Variants in EPS15 observed in about 807,000 individuals in gnomAD.
The protein encoded by EPS15 is epidermal growth factor receptor pathway substrate 15, also known as epidermal growth factor receptor substrate 15.
In EPS15, 72 loss-of-function variants were observed where a neutral mutation model predicts 113.8. The ratio of observed to expected loss-of-function variants is 0.63; its 90% CI spans 0.52 to 0.77. The LOEUF (loss-of-function observed/expected upper bound fraction) is 0.77, where lower values mean the gene tolerates loss of function less well. Among genes scored for constraint, EPS15 ranks in the 30% least tolerant of loss-of-function variants. EPS15 has a pLI of 0.00. For missense variants in EPS15, 1,048 were observed against 1,045.8 expected (o/e 1.00, Z -0.03); for synonymous variants, 344 against 363.4 (o/e 0.95, Z 0.61).
At chr1:51,497,402 G>C (rs1644342370) in intron 1 of EPS15, among the ~76,000 whole-genome samples, 1 of 152,108 alleles carries the variant, frequency 6.6e-6, no homozygotes, top group Non-Finnish European at 1.5e-5. Flanking sequence ...CTTGTCCAAA[G>C]TCACAAAAAA....
chr1:51,447,808 G>A, intron 9 of EPS15: 1 of 174,264 alleles, frequency 5.7e-6, no homozygotes, highest in Non-Finnish European at 1.1e-5. Context: ...ATCACATTAT[G>A]CAGGTTCAAC....
At position 51,356,275 on chromosome 1, in the gene EPS15, ACC is replaced by A; in HGVS notation, c.*423_*424del. The A allele has an allele frequency of 4.4e-6, 1 of 225,428 alleles. No homozygotes were observed. Among genetic ancestry groups the A allele is most frequent in the Non-Finnish European group, 8.8e-6 (1 of 113,310 alleles). 14.0% of individuals were successfully genotyped at this position (225,428 alleles called of 1,614,324 possible). A position where few individuals can be genotyped will look rare whatever the true frequency, so the allele number is the denominator to read the frequency against. ...ATATTCTTTCCCTTACCCTCACTCA[ACC>A]ATTCCAATCAGGGGAGAATACTGCA... On this transcript the variant is annotated 3_prime_UTR_variant, in exon 25 of 25. Coordinates refer to ENST00000371733, the MANE Select transcript of EPS15 (RefSeq NM_001981.3).
intron 16 of EPS15, among the ~76,000 whole-genome samples, chr1:51,405,263 A>G (rs1648987462): frequency 6.6e-6 from 1 of 152,210 alleles, no homozygotes; most frequent in Non-Finnish European, 1.5e-5. Context: ...ACTCTTGCAC[A>G]TAGTTGGTAC....
At chr1:51,401,834 C>A (rs1020729259) in intron 18 of EPS15, among the ~76,000 whole-genome samples, 10 of 152,072 alleles carry the variant, frequency 6.6e-5, no homozygotes, top group African/African-American at 2.4e-4. Flanking sequence ...GAAACCCAGT[C>A]TCTACTAAAA....
intron 13 of EPS15, among the ~76,000 whole-genome samples, chr1:51,420,633 G>T (rs1049221787): frequency 2.0e-5 from 3 of 152,016 alleles, no homozygotes; most frequent in African/African-American, 7.2e-5. Context: ...ACCCTCTTAT[G>T]CCCACCTAAC....
At chr1:51,364,350 T>C (rs1646458698) in intron 22 of EPS15, among the ~76,000 whole-genome samples, 1 of 152,160 alleles carries the variant, frequency 6.6e-6, no homozygotes, top group African/African-American at 2.4e-5. Context: ...AAAGGGACTG[T>C]ATGCCTTTCC....
intron 10 of EPS15, among the ~76,000 whole-genome samples, chr1:51,446,599 G>A (rs1028795626): frequency 6.6e-5 from 10 of 151,974 alleles, no homozygotes; most frequent in South Asian, 2.1e-4. Context: ...AACTACAGGC[G>A]CACACCACCA....
chr1:51,368,250 T>C (rs1478520592), intron 21 of EPS15, among the ~76,000 whole-genome samples: 2 of 152,222 alleles, frequency 1.3e-5, no homozygotes, highest in African/African-American at 4.8e-5. Context: ...AAAATGAGTA[T>C]ATCTTGGACA....
chr1:51,451,490 C>CAAA (rs56091976), intron 8 of EPS15, among the ~76,000 whole-genome samples: 17 of 50,748 alleles, frequency 3.3e-4, no homozygotes, highest in African/African-American at 5.5e-4. Flanking sequence ...GACTCCATCT[C>CAAA]AAAAAAAAAA....
chr1:51,508,390 A>G (rs896445822), intron 1 of EPS15, among the ~76,000 whole-genome samples: 1 of 147,664 alleles, frequency 6.8e-6, no homozygotes, highest in African/African-American at 2.5e-5. Flanking sequence ...GAAAGAGAAA[A>G]TTTAAACAAA....
chr1:51,390,743 T>C (rs893861112), intron 21 of EPS15, among the ~76,000 whole-genome samples: 3 of 152,000 alleles, frequency 2.0e-5, no homozygotes, highest in African/African-American at 7.3e-5. Flanking sequence ...ATCAGAGAAA[T>C]GCAAATCAAA....
Position 51,382,751 on chromosome 1 carries a change from C to A in EPS15, c.2119+11630G>T, listed in dbSNP as rs1646971088. 2.6e-5 allele frequency among the ~76,000 whole-genome samples: 4 copies of A among 152,060 alleles called. No individual in the cohort carries two copies. In the South Asian group the frequency reaches 8.3e-4, roughly 31 times the overall value. ...TTTTTAAAATTAACAAAACAAAACACCTCCCAACAAAGAAAAGCTCACGAT... is the reference window on the plus strand; with the variant it reads ...TTTTTAAAATTAACAAAACAAAACAACTCCCAACAAAGAAAAGCTCACGAT... On this transcript the variant is annotated intron_variant, in intron 21 of 24. Transcript: ENST00000371733.
At chr1:51,468,101 C>G (rs1041938749) in intron 5 of EPS15, among the ~76,000 whole-genome samples, 2 of 151,942 alleles carry the variant, frequency 1.3e-5, no homozygotes, top group Admixed American at 1.3e-4. Context: ...TGGGACCAGA[C>G]GTGCACACCA....
chr1:51,419,612 A>T (rs1468465119), intron 13 of EPS15, among the ~76,000 whole-genome samples: 3 of 152,144 alleles, frequency 2.0e-5, no homozygotes, highest in Admixed American at 6.6e-5. Context: ...ACCATTAGAA[A>T]GTAGATCAGA....
chr1:51,447,809 C>G (rs1653188880), intron 9 of EPS15: 2 of 176,160 alleles, frequency 1.1e-5, no homozygotes, highest in Admixed American at 1.3e-4. Context: ...TCACATTATG[C>G]AGGTTCAACG....
chr1:51,471,567 C>T (rs1655240211), intron 4 of EPS15, 123 bp downstream of exon 4: 1 of 734,632 alleles, frequency 1.4e-6, no homozygotes, highest in Non-Finnish European at 2.4e-6. Context: ...ACACACTTGC[C>T]CTAGGCAAAA....
intron 21 of EPS15, chr1:51,372,682 G>A (rs1279938166): frequency 2.4e-6 from 1 of 411,224 alleles, no homozygotes; most frequent in Non-Finnish European, 4.7e-6. Flanking sequence ...ATTTCAGTGA[G>A]AGAAGTCCAT....
chr1:51,382,672 G>A (rs1646969445), intron 21 of EPS15, among the ~76,000 whole-genome samples: 1 of 152,110 alleles, frequency 6.6e-6, no homozygotes, highest in African/African-American at 2.4e-5. Flanking sequence ...ACCCGCCTCA[G>A]CCTCCCAAAG....
intron 12 of EPS15, among the ~76,000 whole-genome samples, chr1:51,427,163 A>C (rs77952076): frequency 0.032 from 4,865 of 152,290 alleles, 127 homozygotes; most frequent in Non-Finnish European, 0.05. Context: ...GTAGATGCTA[A>C]ATAAAAAGTT....
Sources: gnomAD v4.1 joint callset for allele counts (sites outside exome capture counted in the v4.1 genomes callset) on GRCh38, gnomAD v4.1.1 for gene constraint, MANE v1.5 for transcripts, NCBI Gene and HGNC (gene_info 2026-07-23, HGNC 2026-07-21) for gene names.